AMELY: variants seen among roughly 807,000 people sequenced by gnomAD.
AMELY encodes the protein amelogenin, Y isoform.
Under a neutral mutation model 4.2 loss-of-function variants are expected in AMELY, and 4 were observed. The observed-to-expected ratio is 0.96, with a 90% CI of 0.47 to 2.19. AMELY has a LOEUF of 2.19. Among genes scored for constraint, AMELY ranks in the 30% most tolerant of loss-of-function variants. The pLI is 0.02. For synonymous variants in AMELY, 11 were observed against 14.7 expected (o/e 0.75, Z 0.57); for missense variants, 32 against 41.5 (o/e 0.77, Z 0.63).
At chrY:6,866,643 T>C in intron 6 of AMELY, among the ~76,000 whole-genome samples, 1 of 24,609 alleles carries the variant, frequency 4.1e-5, no homozygotes, top group African/African-American at 1.6e-4. Flanking sequence ...TCCTTTCTTT[T>C]TTTTTTTTTT....
chrY:6,870,851 G>A, intron 3 of AMELY, among the ~76,000 whole-genome samples: 2 of 33,514 alleles, frequency 6.0e-5, no homozygotes, highest in East Asian at 1.6e-3. Context: ...TGGAAGCCAA[G>A]TGTTTGGCGC....
intron 1 of AMELY, among the ~76,000 whole-genome samples, chrY:6,901,777 T>C: frequency 6.0e-5 from 2 of 33,106 alleles, no homozygotes; most frequent in Admixed American, 5.6e-4. Flanking sequence ...TGGACTTCCA[T>C]GTTTGAGGGC....
intron 1 of AMELY, among the ~76,000 whole-genome samples, chrY:6,902,344 G>A: frequency 3.0e-5 from 1 of 33,497 alleles, no homozygotes; most frequent in Non-Finnish European, 7.4e-5. Flanking sequence ...AGCTGGTATT[G>A]ATGACTACCT....
chrY:6,872,305 A>G (rs746608060), intron 3 of AMELY, among the ~76,000 whole-genome samples: 13 of 33,681 alleles, frequency 3.9e-4, no homozygotes, highest in Admixed American at 2.7e-3. Context: ...AACACTATTC[A>G]GCCTTAAAAA....
chrY:6,872,355 T>G lies in AMELY; in HGVS notation c.54+200A>C. ...ACATTTACAAAGATGCGAATGAGCA[T>G]GAAAGACATTATACTAAGCAAAATA... On this transcript the variant is annotated intron_variant, in intron 3 of 6. Transcript: ENST00000651267. 9.0e-5 allele frequency among the ~76,000 whole-genome samples: 3 copies of G among 33,454 alleles called. No homozygotes were observed. The East Asian group carries it at 2.3e-3, about 26-fold the overall frequency. 89.8% of individuals were successfully genotyped at this position (33,454 alleles called of 37,273 possible).
chrY:6,906,353 TAC>T (rs2011662773), intron 1 of AMELY, among the ~76,000 whole-genome samples: 1 of 33,640 alleles, frequency 3.0e-5, no homozygotes, highest in Admixed American at 2.7e-4. Context: ...CATGTATATA[TAC>T]ACAGAGATGC....
intron 1 of AMELY, among the ~76,000 whole-genome samples, chrY:6,909,445 T>A: frequency 3.1e-5 from 1 of 31,779 alleles, no homozygotes. Context: ...GCCCAGGGAG[T>A]CCGGGAGCAA....
intron 1 of AMELY, among the ~76,000 whole-genome samples, chrY:6,879,327 A>C (rs1603021982): frequency 2.7e-4 from 9 of 33,517 alleles, no homozygotes; most frequent in South Asian, 2.7e-3. Context: ...TAAATGTCTT[A>C]TTTTGAGAAG....
chrY:6,884,324 A>G (rs2054077414), intron 1 of AMELY, among the ~76,000 whole-genome samples: 1 of 31,578 alleles, frequency 3.2e-5, no homozygotes, highest in Non-Finnish European at 7.6e-5. Context: ...AGAAATACCT[A>G]ATTTAGGTGG....
intron 1 of AMELY, among the ~76,000 whole-genome samples, chrY:6,906,287 T>C (rs991524201): frequency 1.7e-3 from 56 of 33,381 alleles, no homozygotes; most frequent in South Asian, 2.7e-3. Context: ...TGTGCATATA[T>C]GTAGAATAAT....
At chrY:6,885,215 C>T (rs2124082840) in intron 1 of AMELY, among the ~76,000 whole-genome samples, 4 of 34,113 alleles carry the variant, frequency 1.2e-4, no homozygotes, top group South Asian at 6.5e-4. Context: ...TGCAGTGACT[C>T]ATGCCTGTAA....
chrY:6,910,714 G>A (rs2011683701), intron 1 of AMELY: 1 of 61,062 alleles, frequency 1.6e-5, no homozygotes, highest in African/African-American at 1.1e-4. Context: ...GCTCGGGAGT[G>A]AGGAGCCGCC....
intron 1 of AMELY, among the ~76,000 whole-genome samples, chrY:6,902,311 T>G: frequency 3.0e-5 from 1 of 33,770 alleles, no homozygotes; most frequent in Non-Finnish European, 7.4e-5. Flanking sequence ...TGTGGTTGTT[T>G]CTGCAGCTGG....
At chrY:6,902,345 A>G in intron 1 of AMELY, among the ~76,000 whole-genome samples, 1 of 33,485 alleles carries the variant, frequency 3.0e-5, no homozygotes, top group African/African-American at 1.2e-4. Flanking sequence ...GCTGGTATTG[A>G]TGACTACCTT....
chrY:6,889,597 T>A (rs2054081974), intron 1 of AMELY, among the ~76,000 whole-genome samples: 1 of 32,418 alleles, frequency 3.1e-5, no homozygotes, highest in African/African-American at 1.2e-4. Context: ...CTGATCAACA[T>A]GGTGAAACAC....
intron 6 of AMELY, 43 bp downstream of exon 6, chrY:6,867,994 T>C: frequency 2.6e-6 from 1 of 379,483 alleles, no homozygotes; most frequent in Non-Finnish European, 3.7e-6. Flanking sequence ...TGCTGCACCA[T>C]TTTCACAGGA....
At chrY:6,867,982 T>A in intron 6 of AMELY, 55 bp downstream of exon 6, 2 of 373,358 alleles carry the variant, frequency 5.4e-6, no homozygotes, top group Non-Finnish European at 7.5e-6. Context: ...TGGGGCCAAC[T>A]TTGCTGCACC....
chrY:6,891,826 C>T (rs1569361432), intron 1 of AMELY, among the ~76,000 whole-genome samples: 1 of 33,816 alleles, frequency 3.0e-5, no homozygotes, highest in East Asian at 7.9e-4. Flanking sequence ...CTTGTTCAGC[C>T]GTTACTACAG....
intron 3 of AMELY, among the ~76,000 whole-genome samples, chrY:6,871,937 C>T (rs1603021566): frequency 6.4e-5 from 2 of 31,044 alleles, no homozygotes; most frequent in South Asian, 7.4e-4. Flanking sequence ...CCAGCCTGGG[C>T]GACAGAGCAA....
Sources: allele counts gnomAD v4.1 joint callset (sites outside exome capture counted in the v4.1 genomes callset), GRCh38; gene constraint gnomAD v4.1.1; transcripts MANE v1.5; gene names NCBI Gene and HGNC (gene_info 2026-07-23, HGNC 2026-07-21).